Variants in ELOA observed in about 807,000 individuals in gnomAD.
ELOA encodes elongin A.
Under a neutral mutation model 85.2 loss-of-function variants are expected in ELOA, and 15 were observed. The observed-to-expected ratio is 0.18, with a 90% CI of 0.12 to 0.27. ELOA has a LOEUF of 0.27. ELOA is among the 10% of genes least tolerant of loss of function. The pLI, the probability that ELOA is intolerant of heterozygous loss-of-function variation, is 1.00. For missense variants in ELOA, 769 were observed against 952.7 expected (o/e 0.81, Z 2.54); for synonymous variants, 348 against 357.2 (o/e 0.97, Z 0.29).
rs749876218 is a variant in ELOA at position 23,751,072 on chromosome 1, A to G, written c.467A>G (p.Lys156Arg). The G allele has an allele frequency of 1.6e-5, 26 of 1,614,028 alleles. No individual in the cohort carries two copies. The East Asian group carries it at 5.6e-4, about 35-fold the overall frequency. ...GGTCATGAGAGGAGAGATGAGAGAA[A>G]GAGGTGTCACAGAATGTCACCAACT... ...SHGHERRDERKRCHRMSPTYS... is the reference protein window; with the variant it reads ...SHGHERRDERRRCHRMSPTYS... Residue 156 changes from lysine to arginine, a missense_variant, in exon 4 of 11, where the codon AAG (lysine) becomes AGG (arginine). Physicochemically the swap from Lys to Arg is conservative, Grantham distance 26. Around this residue, in one of 4 missense-constraint regions of ELOA, gnomAD observed 440 missense variants for 474.0 expected, o/e 0.93. Transcript: ENST00000613537.
chr1:23,756,930 A>C (rs1644796715), intron 9 of ELOA, 23 bp from the exon 10 acceptor site: 1 of 1,469,772 alleles, frequency 6.8e-7, no homozygotes, highest in Admixed American at 2.6e-5. Context: ...CTCATGCCTA[A>C]CCAGTGTTGT....
At chr1:23,753,131 C>CGT (rs1301088261) in intron 5 of ELOA, among the ~76,000 whole-genome samples, 2 of 152,136 alleles carry the variant, frequency 1.3e-5, no homozygotes, top group Non-Finnish European at 2.9e-5. Context: ...GCTTGGGTGA[C>CGT]AGAGCAAGAC....
chr1:23,754,528 C>T (rs1644786288), intron 7 of ELOA, 68 bp downstream of exon 7: 2 of 1,261,978 alleles, frequency 1.6e-6, no homozygotes, highest in African/African-American at 1.5e-5. Flanking sequence ...AGCTTTGTCC[C>T]TGTGACTCCG....
chr1:23,762,017 T>C lies in ELOA; in HGVS notation c.*2444T>C, dbSNP rs1570597379. The C allele has an allele frequency of 6.6e-6, 1 of 152,162 alleles. No individual in the cohort carries two copies. Among genetic ancestry groups the C allele is most frequent in the South Asian group, 2.1e-4 (1 of 4,822 alleles). 9.4% of individuals were successfully genotyped at this position (152,162 alleles called of 1,614,324 possible). On this transcript the variant is annotated 3_prime_UTR_variant, in exon 11 of 11. Coordinates refer to ENST00000613537, the MANE Select transcript of ELOA (RefSeq NM_003198.3). ...ATGAATATTTTAATTAGATAAGTTA[T>C]ATGAAAAGGAAAATTCCATGTCTAA... is the stretch of plus-strand genomic sequence containing the variant.
At chr1:23,750,628 G>A (rs757399168) in intron 3 of ELOA, among the ~76,000 whole-genome samples, 5 of 152,086 alleles carry the variant, frequency 3.3e-5, no homozygotes, top group Non-Finnish European at 5.9e-5. Flanking sequence ...TGAGATATTT[G>A]ATCTTTGCAT....
chr1:23,754,044 G>A, intron 5 of ELOA, 56 bp from the exon 6 acceptor site: 13 of 1,593,490 alleles, frequency 8.2e-6, no homozygotes, highest in Non-Finnish European at 1.0e-5. Flanking sequence ...GAAGGGGGTA[G>A]AAGGAGAGTT....
At chr1:23,753,527 T>G (rs1035409361) in intron 5 of ELOA, among the ~76,000 whole-genome samples, 2 of 152,000 alleles carry the variant, frequency 1.3e-5, no homozygotes, top group African/African-American at 4.8e-5. Context: ...AGAAGCCACA[T>G]AAGGGTCTAT....
rs1638292626 is a variant in ELOA at position 23,761,500 on chromosome 1, A to T, written c.*1927A>T. On this transcript the variant is annotated 3_prime_UTR_variant, in exon 11 of 11. Coordinates refer to ENST00000613537, the MANE Select transcript of ELOA (RefSeq NM_003198.3). The stretch of plus-strand genomic sequence containing the variant: ...AGGAGTCTTTAGGCAGGGAGGGAAG[A>T]AAAAACAGATTTGTTCATAGCAATG... The T allele has an allele frequency of 6.6e-6, 1 of 151,692 alleles. No homozygotes were observed. Among genetic ancestry groups the T allele is most frequent in the African/African-American group, 2.4e-5 (1 of 41,376 alleles). The allele number at this position is 151,692 out of a possible 1,614,324, so 9.4% of individuals were successfully genotyped here. A position where few individuals can be genotyped will look rare whatever the true frequency, so the allele number is the denominator to read the frequency against.
At position 23,751,271 on chromosome 1, in the gene ELOA, C is replaced by T. The variant is rs772281863; in HGVS notation, c.666C>T (p.Leu222=). The change falls in exon 4 of 11, where the codon CTC becomes CTT. Residue 222 remains leucine, a synonymous_variant. Transcript: ENST00000613537. ...ACAGCAATGCCTTTCAGGACAGACTCGGGGCCAGCCAAGAACGACACCTGG... is the reference window on the plus strand; with the variant it reads ...ACAGCAATGCCTTTCAGGACAGACTTGGGGCCAGCCAAGAACGACACCTGG... ...KGHSNAFQDR[L]GASQERHLGE... The T allele has an allele frequency of 1.5e-5, 24 of 1,614,042 alleles. No individual in the cohort carries two copies. The highest frequency in any genetic ancestry group is 5.0e-5 in the Admixed American group (3 of 59,996).
intron 2 of ELOA, among the ~76,000 whole-genome samples, chr1:23,749,390 A>T (rs1324160179): frequency 6.6e-6 from 1 of 152,218 alleles, no homozygotes; most frequent in Non-Finnish European, 1.5e-5. Flanking sequence ...AAACCACTGA[A>T]TTATGTACTT....
chr1:23,750,120 T>C (rs919262432), intron 3 of ELOA, among the ~76,000 whole-genome samples, 172 bp downstream of exon 3: 3 of 151,586 alleles, frequency 2.0e-5, no homozygotes, highest in Non-Finnish European at 2.9e-5. Flanking sequence ...AATCAAAATT[T>C]CCTATTTCTA....
At chr1:23,756,063 G>A in intron 8 of ELOA, 40 bp downstream of exon 8, 1 of 1,600,732 alleles carries the variant, frequency 6.2e-7, no homozygotes, top group South Asian at 1.1e-5. Flanking sequence ...CTGGCAGGAT[G>A]AGTGTTCTGG....
chr1:23,757,159 T>C (rs2076346), intron 10 of ELOA, 34 bp downstream of exon 10: 376,849 of 1,505,762 alleles, frequency 0.25, 51,239 homozygotes, highest in East Asian at 0.56. Context: ...CAAATATTAT[T>C]TCAGCACTAG....
chr1:23,758,553 G>A (rs376111678), intron 10 of ELOA, among the ~76,000 whole-genome samples: 7 of 148,704 alleles, frequency 4.7e-5, no homozygotes, highest in African/African-American at 1.5e-4. Flanking sequence ...GATTACCAGC[G>A]TGAACCACCA....
intron 10 of ELOA, among the ~76,000 whole-genome samples, chr1:23,758,964 T>C (rs1272445403): frequency 6.6e-6 from 1 of 152,056 alleles, no homozygotes; most frequent in Non-Finnish European, 1.5e-5. Flanking sequence ...CCCAGCACTT[T>C]GGGAGGCTGG....
intron 9 of ELOA, among the ~76,000 whole-genome samples, chr1:23,756,596 A>G (rs1410326533): frequency 3.3e-5 from 5 of 152,210 alleles, no homozygotes. Flanking sequence ...GCCCTAGGGT[A>G]GTCAAGATTA....
At chr1:23,750,715 T>A (rs189226253) in intron 3 of ELOA, 130 bp from the exon 4 acceptor site, 3 of 880,174 alleles carry the variant, frequency 3.4e-6, no homozygotes, top group African/African-American at 3.4e-5. Flanking sequence ...ATAACCTACT[T>A]ATCTTCTTCT....
chr1:23,752,310 T>C, intron 4 of ELOA, 97 bp from the exon 5 acceptor site: 2 of 1,208,716 alleles, frequency 1.7e-6, no homozygotes, highest in Non-Finnish European at 2.4e-6. Flanking sequence ...GATCTTCCTG[T>C]GCAAGATGTC....
In ELOA at chr1:23,757,007, C is replaced by A. The variant is rs762163775; in HGVS notation, c.2139C>A (p.Ile713=). Residue 713 remains isoleucine (I), a synonymous_variant, in exon 10 of 11, where the codon ATC becomes ATA. Transcript: ENST00000613537. The part of the protein sequence containing the change: ...MGSSHASASS[I]SFNPSPEEPA... ...GCAGCCATGCTTCCGCCAGTAGCAT[C>A]AGCTTTAACCCCAGCCCTGAGGAGC... The A allele has an allele frequency of 6.2e-7, 1 of 1,601,672 alleles. No homozygotes were observed. Among genetic ancestry groups the A allele is most frequent in the Admixed American group, 1.8e-5 (1 of 56,450 alleles).
Sources: allele counts gnomAD v4.1 joint callset (sites outside exome capture counted in the v4.1 genomes callset), GRCh38; gene constraint gnomAD v4.1.1; regional missense constraint gnomAD v4.1.1; transcripts MANE v1.5; gene names NCBI Gene and HGNC (gene_info 2026-07-23, HGNC 2026-07-21).